The following KCNK4 variants were observed in gnomAD, a reference collection of about 807,000 sequenced individuals.
The protein encoded by KCNK4 is potassium channel subfamily K member 4.
KCNK4 carries 22 observed loss-of-function variants against 28.8 expected under a neutral mutation model. That is an observed-to-expected ratio of 0.76 (90% CI 0.55 to 1.09). The LOEUF (loss-of-function observed/expected upper bound fraction) is 1.09, where lower values mean the gene tolerates loss of function less well. Among genes scored for constraint, KCNK4 ranks in the 50% least tolerant of loss-of-function variants. KCNK4 has a pLI of 0.00. For synonymous variants in KCNK4, 263 were observed against 252.9 expected (o/e 1.04, Z -0.38); for missense variants, 483 against 546.3 (o/e 0.88, Z 1.15).
chr11:64,295,068 AACTGTGCACCT>A (rs1188022895), intron 2 of KCNK4, among the ~76,000 whole-genome samples: 1 of 152,210 alleles, frequency 6.6e-6, no homozygotes, highest in South Asian at 2.1e-4. Flanking sequence ...GTTGTGCAGC[AACTGTGCACCT>A]ACTGTGTGCT....
In KCNK4 at chr11:64,293,697, C is replaced by T. The variant is rs141218285; in HGVS notation, c.189+490C>T. On this transcript the variant is annotated intron_variant, in intron 2 of 6. Transcript: ENST00000422670. ...CTCACAGCAACCTCCGCCTCCCAGA[C>T]TCAAGTGATTCTCCTGCCTCAGCCT... Among the ~76,000 whole-genome samples the T allele has an allele frequency of 2.0e-3, 305 of 152,162 alleles. 5 individuals are homozygous for T. The highest frequency in any genetic ancestry group is 0.015 in the South Asian group (71 of 4,822).
intron 3 of KCNK4, 37 bp from the exon 4 acceptor site, chr11:64,297,082 G>T: frequency 1.2e-6 from 2 of 1,613,178 alleles, no homozygotes; most frequent in African/African-American, 1.3e-5. Flanking sequence ...GGGGTCCCAG[G>T]TGGCCCCTAG....
In KCNK4 at chr11:64,298,127, G is replaced by T. The variant is rs1434405325; in HGVS notation, c.679G>T (p.Asp227Tyr). 6.2e-7 allele frequency: 1 copy of T among 1,613,728 alleles called. No homozygotes were observed. Among genetic ancestry groups the T allele is most frequent in the East Asian group, 2.2e-5 (1 of 44,874 alleles). ...TATCCCAGGCGCGGACCCCAGGCAGGACTCCCCGGCCTATCAGCCGCTGGT... is the reference window on the plus strand; with the variant it reads ...TATCCCAGGCGCGGACCCCAGGCAGTACTCCCCGGCCTATCAGCCGCTGGT... The part of the protein sequence containing the change: ...DYVAGADPRQ[D>Y]SPAYQPLVWF... Residue 227 changes from aspartate to tyrosine, a missense_variant, in exon 6 of 7, where the codon GAC becomes TAC. Coordinates refer to ENST00000422670, the MANE Select transcript of KCNK4 (RefSeq NM_033310.3).
intron 6 of KCNK4, 51 bp from the exon 7 acceptor site, chr11:64,299,295 G>T: frequency 7.1e-7 from 1 of 1,417,518 alleles, no homozygotes; most frequent in Admixed American, 2.9e-5. Flanking sequence ...CCGGGGGGTC[G>T]CGGAGGGGGT....
In KCNK4 at chr11:64,299,514, G is replaced by T; in HGVS notation, c.970G>T (p.Glu324Ter). 6.2e-7 allele frequency: 1 copy of T among 1,609,088 alleles called. No individual in the cohort carries two copies. Among genetic ancestry groups the T allele is most frequent in the Non-Finnish European group, 8.5e-7 (1 of 1,178,664 alleles). ...LGRPRSPSPPEKAQPPSPPTA... is the reference protein window; with the variant it reads ...LGRPRSPSPP ...CAGGCCCCGATCCCCTTCGCCCCCC[G>T]AGAAGGCTCAGCCGCCTTCCCCGCC... Residue 324 changes from glutamate (E) to a stop codon, truncating the protein, a stop_gained, in exon 7 of 7, where the codon GAG (glutamate) becomes TAG (stop). Coordinates refer to ENST00000422670, the MANE Select transcript of KCNK4 (RefSeq NM_033310.3). LOFTEE classifies it high-confidence loss of function.
chr11:64,298,385 G>A, intron 6 of KCNK4, 136 bp downstream of exon 6: 6 of 1,059,932 alleles, frequency 5.7e-6, no homozygotes, highest in Non-Finnish European at 6.8e-6. Context: ...CTCTGTGTGT[G>A]CCCCGCAGGG....
chr11:64,297,922 T>A (rs2034816682), intron 5 of KCNK4, among the ~76,000 whole-genome samples, 188 bp from the exon 6 acceptor site: 1 of 152,180 alleles, frequency 6.6e-6, no homozygotes, highest in Non-Finnish European at 1.5e-5. Context: ...TCTTGCATGC[T>A]TTTATCTTGC....
chr11:64,296,956 C>T lies in KCNK4; in HGVS notation c.268C>T (p.Leu90=). Residue 90 remains leucine, a synonymous_variant, in exon 3 of 7, where the codon CTG becomes TTG. Coordinates refer to ENST00000422670, the MANE Select transcript of KCNK4 (RefSeq NM_033310.3). The part of the protein sequence containing the change: ...TSNSSHSAWD[L]GSAFFFSGTI... ...CAACAGCAGCCACTCAGCCTGGGAC[C>T]TGGGCAGCGCCTTCTTTTTCTCAGG... 9 of 1,519,936 alleles carry T rather than the reference C, an allele frequency of 5.9e-6. No homozygotes were observed. Among genetic ancestry groups the T allele is most frequent in the Non-Finnish European group, 7.0e-6 (8 of 1,135,190 alleles). 94.2% of individuals were successfully genotyped at this position (1,519,936 alleles called of 1,614,324 possible). A position where few individuals can be genotyped will look rare whatever the true frequency, so the allele number is the denominator to read the frequency against.
chr11:64,298,311 C>T, intron 6 of KCNK4, 62 bp downstream of exon 6: 1 of 1,591,440 alleles, frequency 6.3e-7, no homozygotes. Context: ...TGTTCCCTAG[C>T]AGGGGGTTGA....
intron 2 of KCNK4, among the ~76,000 whole-genome samples, chr11:64,294,390 T>C (rs2034714239): frequency 6.6e-6 from 1 of 151,662 alleles, no homozygotes; most frequent in Non-Finnish European, 1.5e-5. Flanking sequence ...TGGTGGTGCA[T>C]GCCTGTGGTC....
intron 2 of KCNK4, among the ~76,000 whole-genome samples, chr11:64,294,999 G>A (rs1326031944): frequency 6.6e-6 from 1 of 152,238 alleles, no homozygotes; most frequent in Non-Finnish European, 1.5e-5. Context: ...GCAGGACCTA[G>A]AAGGGTGGGT....
rs774084627 is a variant in KCNK4 at position 64,299,537 on chromosome 11, G to A, written c.993G>A (p.Pro331=). The change falls in exon 7 of 7, where the codon CCG becomes CCA. Residue 331 remains proline, a synonymous_variant. Coordinates refer to ENST00000422670, the MANE Select transcript of KCNK4 (RefSeq NM_033310.3). ...CCGAGAAGGCTCAGCCGCCTTCCCC[G>A]CCCACGGCCTCGGCCCTGGATTATC... ...SPPEKAQPPS[P]PTASALDYPS... is the part of the protein sequence containing the mutation. The A allele has an allele frequency of 5.6e-6, 9 of 1,609,076 alleles. 1 individual carries two copies. Among genetic ancestry groups the A allele is most frequent in the South Asian group, 1.1e-5 (1 of 90,770 alleles).
chr11:64,298,279 G>T, intron 6 of KCNK4, 30 bp downstream of exon 6: 1 of 1,608,948 alleles, frequency 6.2e-7, no homozygotes. Flanking sequence ...CACTGTGCCT[G>T]CGCACTGTGG....
chr11:64,298,384 T>C, intron 6 of KCNK4, 135 bp downstream of exon 6: 11 of 1,082,110 alleles, frequency 1.0e-5, no homozygotes, highest in Non-Finnish European at 1.3e-5. Flanking sequence ...CCTCTGTGTG[T>C]GCCCCGCAGG....
chr11:64,294,169 G>A (rs191083781), intron 2 of KCNK4, among the ~76,000 whole-genome samples: 1 of 152,208 alleles, frequency 6.6e-6, no homozygotes, highest in East Asian at 1.9e-4. Flanking sequence ...TGGGGAGAAG[G>A]GGGGGTGCGT....
intron 2 of KCNK4, among the ~76,000 whole-genome samples, chr11:64,296,542 T>C (rs2034767737): frequency 6.6e-6 from 1 of 152,162 alleles, no homozygotes; most frequent in African/African-American, 2.4e-5. Context: ...AGAGTTCACT[T>C]GCTCAAGTCC....
In KCNK4 at chr11:64,293,182, A is replaced by C; in HGVS notation, c.164A>C (p.Asp55Ala). 3.4e-6 allele frequency: 5 copies of C among 1,484,574 alleles called. No individual in the cohort carries two copies. The South Asian group carries it at 6.7e-5, about 20-fold the overall frequency. 92.0% of individuals were successfully genotyped at this position (1,484,574 alleles called of 1,614,324 possible). A position where few individuals can be genotyped will look rare whatever the true frequency, so the allele number is the denominator to read the frequency against. ...CTGAGGGCCCATCCGTGTGTGAGCG[A>C]CCAGGAGCTGGGCCTCCTCATCAAG... is the stretch of plus-strand genomic sequence containing the variant. Reference protein sequence around the residue: ...KFLRAHPCVSDQELGLLIKEV... With the variant: ...KFLRAHPCVSAQELGLLIKEV... Residue 55 changes from aspartate (D) to alanine (A), a missense_variant, in exon 2 of 7, where the codon GAC becomes GCC. Asp to Ala is a moderately radical substitution (Grantham distance 126, BLOSUM62 -2). Coordinates refer to ENST00000422670, the MANE Select transcript of KCNK4 (RefSeq NM_033310.3).
rs1365388584 is a variant in KCNK4, at chr11:64,292,872, G to A, written c.-77-70G>A. ...GGCTTTATGGATCTTTGGGTGTGTAGGGGATAGAGGAGGAGGGTGTGGGTG... is the reference window on the plus strand; with the variant it reads ...GGCTTTATGGATCTTTGGGTGTGTAAGGGATAGAGGAGGAGGGTGTGGGTG... On this transcript the variant is annotated intron_variant, in intron 1 of 6. Transcript: ENST00000422670. The A allele has an allele frequency of 3.6e-6, 5 of 1,399,646 alleles. No individual in the cohort carries two copies. In the Admixed American group the frequency reaches 1.2e-4, roughly 34 times the overall value. The allele number at this position is 1,399,646 out of a possible 1,614,324, so 86.7% of individuals were successfully genotyped here.
At chr11:64,299,200 T>G (rs2034857740) in intron 6 of KCNK4, 146 bp from the exon 7 acceptor site, 1 of 723,622 alleles carries the variant, frequency 1.4e-6, no homozygotes, top group African/African-American at 1.9e-5. Context: ...GGAGGAGCCC[T>G]TCCATCCTTG....
Sources: allele counts gnomAD v4.1 joint callset (sites outside exome capture counted in the v4.1 genomes callset), GRCh38; gene constraint gnomAD v4.1.1; transcripts MANE v1.5; gene names NCBI Gene and HGNC (gene_info 2026-07-23, HGNC 2026-07-21).